UGT1A9: variants seen among roughly 807,000 people sequenced by gnomAD.
The protein encoded by UGT1A9 is UDP glucuronosyltransferase family 1 member A9.
UGT1A9 carries 35 observed loss-of-function variants against 45.0 expected under a neutral mutation model. The observed-to-expected ratio is 0.78, with a 90% CI of 0.59 to 1.03. The LOEUF is 1.03. Among genes scored for constraint, UGT1A9 ranks in the 50% least tolerant of loss-of-function variants. UGT1A9 has a pLI of 0.00. For missense variants in UGT1A9, 687 were observed against 666.6 expected (o/e 1.03, Z -0.34); for synonymous variants, 278 against 250.6 (o/e 1.11, Z -1.03).
rs1700557066 is a variant in UGT1A9 at position 233,772,919 on chromosome 2, C to A, written c.*360C>A. On this transcript the variant is annotated 3_prime_UTR_variant, in exon 5 of 5. Coordinates refer to ENST00000354728, the MANE Select transcript of UGT1A9 (RefSeq NM_021027.3). Reference sequence around the variant, plus strand: ...CCACGGCTGCCCCTACTGCAAATGGCAGTTTTAATCTTATCTTTTGGCTTC... The same window carrying A: ...CCACGGCTGCCCCTACTGCAAATGGAAGTTTTAATCTTATCTTTTGGCTTC... 1 of 369,168 alleles carries A rather than the reference C, an allele frequency of 2.7e-6. No homozygotes were observed. Among genetic ancestry groups the A allele is most frequent in the Non-Finnish European group, 4.8e-6 (1 of 207,048 alleles). 22.9% of individuals were successfully genotyped at this position (369,168 alleles called of 1,614,324 possible).
In UGT1A9 at chr2:233,769,538, C is replaced by A; in HGVS notation, c.1295+1099C>A. 6.2e-7 allele frequency: 1 copy of A among 1,612,838 alleles called. No homozygotes were observed. Among genetic ancestry groups the A allele is most frequent in the Non-Finnish European group, 8.5e-7 (1 of 1,179,878 alleles). ...CATGGTTACCTCCTTTAGAAAGAAGCAGCAGTCAGGAAGACAGATGTGAAG... is the reference window on the plus strand; with the variant it reads ...CATGGTTACCTCCTTTAGAAAGAAGAAGCAGTCAGGAAGACAGATGTGAAG... On this transcript the variant is annotated intron_variant, in intron 4 of 4. Coordinates refer to ENST00000354728, the MANE Select transcript of UGT1A9 (RefSeq NM_021027.3). The surrounding 1 kb of genome is among the most constrained non-coding windows in gnomAD (Gnocchi z 4.4).
chr2:233,711,817 C>T (rs984543868), intron 1 of UGT1A9, among the ~76,000 whole-genome samples: 1 of 152,154 alleles, frequency 6.6e-6, no homozygotes, highest in Non-Finnish European at 1.5e-5. Flanking sequence ...CATCCTGGGG[C>T]GACCAGGACA....
chr2:233,732,435 G>T (rs1198831061), intron 1 of UGT1A9, among the ~76,000 whole-genome samples: 2 of 152,234 alleles, frequency 1.3e-5, no homozygotes, highest in Admixed American at 6.5e-5. Flanking sequence ...GGATTTTTAT[G>T]GTTTTAGGTC....
intron 1 of UGT1A9, among the ~76,000 whole-genome samples, chr2:233,732,436 GTTTTAGGTCTAACA>G (rs2078272762): frequency 1.3e-5 from 2 of 152,194 alleles, no homozygotes; most frequent in Admixed American, 6.5e-5. Context: ...GATTTTTATG[GTTTTAGGTCTAACA>G]TTTGAGTCTT....
rs986724636 is a variant in UGT1A9 at position 233,682,888 on chromosome 2, A to G, written c.855+10099A>G. On this transcript the variant is annotated intron_variant, in intron 1 of 4. Transcript: ENST00000354728. Reference sequence around the variant, plus strand: ...ATAATTTATCATTTACATTTGTCCCATTTGGAATTTCTTTCTGGTTTAAGG... The same window carrying G: ...ATAATTTATCATTTACATTTGTCCCGTTTGGAATTTCTTTCTGGTTTAAGG... 1.2e-5 allele frequency: 18 copies of G among 1,508,748 alleles called. No individual in the cohort carries two copies. In the African/African-American group the frequency reaches 2.5e-4, roughly 21 times the overall value. 93.5% of individuals were successfully genotyped at this position (1,508,748 alleles called of 1,614,324 possible). A position where few individuals can be genotyped will look rare whatever the true frequency, so the allele number is the denominator to read the frequency against.
intron 1 of UGT1A9, chr2:233,682,335 T>C: frequency 6.2e-7 from 1 of 1,614,168 alleles, no homozygotes; most frequent in Non-Finnish European, 8.5e-7. Flanking sequence ...GACCGAAAAT[T>C]AGTAGAATAC....
chr2:233,761,042 C>A, intron 1 of UGT1A9: 1 of 1,614,180 alleles, frequency 6.2e-7, no homozygotes, highest in Non-Finnish European at 8.5e-7. Context: ...AGCTCTGCAT[C>A]TGTCTGGCTG....
intron 1 of UGT1A9, chr2:233,690,841 GT>G: frequency 2.8e-6 from 3 of 1,069,274 alleles, no homozygotes; most frequent in Non-Finnish European, 3.4e-6. Context: ...AAAGAAAAAT[GT>G]TTTCTAATAC....
At chr2:233,680,076 G>A (rs2074473830) in intron 1 of UGT1A9, among the ~76,000 whole-genome samples, 1 of 150,044 alleles carries the variant, frequency 6.7e-6, no homozygotes, top group South Asian at 2.1e-4. Context: ...TATCTTCATT[G>A]ATTTTGAAAT....
At position 233,735,860 on chromosome 2, in the gene UGT1A9, G is replaced by A. The variant is rs189938280; in HGVS notation, c.856-31174G>A. ...GCCCCCACTCTCTTCTGTCTTGTAG[G>A]GTTTCTGCAGAGAGATCTGCTGTTA... On this transcript the variant is annotated intron_variant, in intron 1 of 4. Coordinates refer to ENST00000354728, the MANE Select transcript of UGT1A9 (RefSeq NM_021027.3). Among the ~76,000 whole-genome samples the A allele has an allele frequency of 7.9e-5, 12 of 151,742 alleles. No individual in the cohort carries two copies. The East Asian group carries it at 1.9e-3, about 24-fold the overall frequency.
intron 2 of UGT1A9, 126 bp from the exon 3 acceptor site, chr2:233,767,723 C>T: frequency 1.3e-6 from 2 of 1,549,102 alleles, no homozygotes; most frequent in Non-Finnish European, 1.7e-6. Context: ...TTCACAGTTA[C>T]TGATCCTCCC....
Position 233,672,020 on chromosome 2 carries a change from T to C in UGT1A9, c.86T>C (p.Leu29Pro). Residue 29 changes from leucine (L) to proline (P), a missense_variant, in exon 1 of 5, where the codon CTG becomes CCG. Transcript: ENST00000354728. ...GGCTTTGCCGAGGCAGGGAAGCTACTGGTAGTGCCCATGGATGGGAGCCAC... is the reference window on the plus strand; with the variant it reads ...GGCTTTGCCGAGGCAGGGAAGCTACCGGTAGTGCCCATGGATGGGAGCCAC... ...TCGFAEAGKLLVVPMDGSHWF... is the reference protein window; with the variant it reads ...TCGFAEAGKLPVVPMDGSHWF... The C allele has an allele frequency of 1.3e-5, 21 of 1,614,156 alleles. No individual in the cohort carries two copies. Among genetic ancestry groups the C allele is most frequent in the Non-Finnish European group, 1.6e-5 (19 of 1,180,006 alleles).
At chr2:233,698,278 C>A (rs1233966249) in intron 1 of UGT1A9, among the ~76,000 whole-genome samples, 4 of 152,042 alleles carry the variant, frequency 2.6e-5, no homozygotes, top group Non-Finnish European at 5.9e-5. Context: ...CATTTCAACA[C>A]TATGAAAAAA....
At chr2:233,719,782 T>C in intron 1 of UGT1A9, 1 of 1,610,592 alleles carries the variant, frequency 6.2e-7, no homozygotes. Flanking sequence ...TACTTATCTT[T>C]CCAAAGATTT....
intron 1 of UGT1A9, among the ~76,000 whole-genome samples, chr2:233,731,284 CTTT>C (rs78127606): frequency 7.2e-6 from 1 of 139,768 alleles, no homozygotes. Flanking sequence ...GTTTTTCTTT[CTTT>C]TTTTTTTTTT....
rs199947040 is a variant in UGT1A9 at position 233,743,509 on chromosome 2, G to A, written c.856-23525G>A. On this transcript the variant is annotated intron_variant, in intron 1 of 4. Transcript: ENST00000354728. ...GAAGGCAGAGAAAAGGGGTGCAGAC[G>A]CTCTGCTTCTGCTTCCCCAGCAGTT... 3.6e-5 allele frequency: 49 copies of A among 1,367,172 alleles called. 1 individual carries two copies. The South Asian group carries it at 4.7e-4, about 13-fold the overall frequency. The allele number at this position is 1,367,172 out of a possible 1,614,324, so 84.7% of individuals were successfully genotyped here.
intron 1 of UGT1A9, chr2:233,760,576 CATA>C: frequency 6.2e-7 from 1 of 1,614,196 alleles, no homozygotes; most frequent in Non-Finnish European, 8.5e-7. Flanking sequence ...TAGTCTCGGG[CATA>C]ATGTTTTTGA....
chr2:233,712,943 G>A, intron 1 of UGT1A9: 1 of 1,612,442 alleles, frequency 6.2e-7, no homozygotes. Flanking sequence ...AACAATTCTA[G>A]GAGGCACAAC....
In UGT1A9 at chr2:233,722,858, T is replaced by G. The variant is rs1254106570; in HGVS notation, c.856-44176T>G. On this transcript the variant is annotated intron_variant, in intron 1 of 4. Coordinates refer to ENST00000354728, the MANE Select transcript of UGT1A9 (RefSeq NM_021027.3). ...ATAAGAATGTTTCTTTTTTTTTTTT[T>G]TGAAGGAAAAAATAAATTTATTGCT... 1.4e-5 allele frequency among the ~76,000 whole-genome samples: 2 copies of G among 144,154 alleles called. 1 individual carries two copies. The highest frequency in any genetic ancestry group is 1.4e-4 in the Admixed American group (2 of 14,354). 94.6% of individuals were successfully genotyped at this position (144,154 alleles called of 152,430 possible).
Sources: gnomAD v4.1 joint callset for allele counts (sites outside exome capture counted in the v4.1 genomes callset) on GRCh38, gnomAD v4.1.1 for gene constraint, Gnocchi (gnomAD v3.1) non-coding constraint, MANE v1.5 for transcripts, NCBI Gene and HGNC (gene_info 2026-07-23, HGNC 2026-07-21) for gene names.